Variants in SDK1 observed in about 807,000 individuals in gnomAD.
SDK1 encodes the protein protein sidekick-1.
Under a neutral mutation model 245.5 loss-of-function variants are expected in SDK1, and 157 were observed. The ratio of observed to expected loss-of-function variants is 0.64; its 90% CI spans 0.56 to 0.73. SDK1 has a LOEUF of 0.73. SDK1 is among the 30% of genes least tolerant of loss of function. The probability of loss-of-function intolerance (pLI) is 0.00; values close to 1 mark genes in which losing one functional copy is unlikely to be tolerated. For synonymous variants in SDK1, 1,647 were observed against 1,278.5 expected, an observed-to-expected ratio of 1.29 and a Z score of -6.15; for missense variants, 3,583 against 3,002.3, an observed-to-expected ratio of 1.19 and a Z score of -4.52.
chr7:3,444,308 C>G (rs144046469), intron 1 of SDK1, among the ~76,000 whole-genome samples: 274 of 152,286 alleles, frequency 1.8e-3, no homozygotes, highest in Non-Finnish European at 3.5e-3. Flanking sequence ...ACTTGGATGT[C>G]TACCAGACAT....
chr7:3,738,962 T>C (rs1012753603), intron 4 of SDK1, among the ~76,000 whole-genome samples: 3 of 146,624 alleles, frequency 2.0e-5, no homozygotes, highest in African/African-American at 8.1e-5. Flanking sequence ...ATTATTTTTG[T>C]TTTTTTGTTT....
At chr7:3,938,445 A>C (rs1340055949) in intron 5 of SDK1, among the ~76,000 whole-genome samples, 1 of 152,036 alleles carries the variant, frequency 6.6e-6, no homozygotes, top group Non-Finnish European at 1.5e-5. Flanking sequence ...GATCGTGACT[A>C]ACCTGGCGAA....
chr7:3,916,354 A>C (rs1433271380), intron 5 of SDK1, among the ~76,000 whole-genome samples: 7 of 152,228 alleles, frequency 4.6e-5, no homozygotes, highest in African/African-American at 1.7e-4. Context: ...TTGGGAACAA[A>C]AGGAAGGCAG....
intron 4 of SDK1, among the ~76,000 whole-genome samples, chr7:3,755,097 C>A (rs892261143): frequency 6.6e-6 from 1 of 152,190 alleles, no homozygotes; most frequent in African/African-American, 2.4e-5. Flanking sequence ...ATCCTTTGCT[C>A]TTGGCAGAGA....
In SDK1 at chr7:3,876,929, C is replaced by T. The variant is rs371920918; in HGVS notation, c.847+55346C>T. On this transcript the variant is annotated intron_variant, in intron 5 of 44. Coordinates refer to ENST00000404826, the MANE Select transcript of SDK1 (RefSeq NM_152744.4). ...TTTTAATAGGGATTTTCTTTTTAAACGAATTCTACTTTGTTCTTTTCTTAA... is the reference window on the plus strand; with the variant it reads ...TTTTAATAGGGATTTTCTTTTTAAATGAATTCTACTTTGTTCTTTTCTTAA... Among the ~76,000 whole-genome samples, 124 of 152,312 alleles carry T rather than the reference C, an allele frequency of 8.1e-4. 1 individual carries two copies. Among genetic ancestry groups the T allele is most frequent in the African/African-American group, 2.4e-3 (100 of 41,568 alleles).
intron 1 of SDK1, among the ~76,000 whole-genome samples, chr7:3,607,443 A>G (rs1400958263): frequency 6.6e-6 from 1 of 152,244 alleles, no homozygotes; most frequent in Non-Finnish European, 1.5e-5. Context: ...TCCCTAAACT[A>G]GAAGATAAGC....
rs1787381796 is a variant in SDK1, at chr7:4,026,814, A to T, written c.2602+9462A>T. 6.6e-6 allele frequency among the ~76,000 whole-genome samples: 1 copy of T among 152,200 alleles called. No individual in the cohort carries two copies. Among genetic ancestry groups the T allele is most frequent in the South Asian group, 2.1e-4 (1 of 4,814 alleles). ...ATAACAATCTGGAATTAACGATAAC[A>T]CCCGGCACACAAACGGCAATATGTA... On this transcript the variant is annotated intron_variant, in intron 17 of 44. Transcript: ENST00000404826. This position sits in a 1 kb window ranked among gnomAD's most constrained non-coding sequence, Gnocchi z 4.1.
intron 1 of SDK1, among the ~76,000 whole-genome samples, chr7:3,357,053 GAAAA>G (rs35467524): frequency 4.7e-3 from 383 of 81,270 alleles, no homozygotes; most frequent in Non-Finnish European, 6.0e-3. Flanking sequence ...AGACTCTCTC[GAAAA>G]AAAAAAAAAA....
rs544301683 is a variant in SDK1, at chr7:3,342,565, G to A, written c.298+40681G>A. 3.9e-5 allele frequency among the ~76,000 whole-genome samples: 6 copies of A among 151,948 alleles called. No homozygotes were observed. In the South Asian group the frequency reaches 8.3e-4, roughly 21 times the overall value. Reference sequence around the variant, plus strand: ...ATCGCATCGTTGCACTCCAGCCTAGGCAACAAGAGCGAAACTCCATCTCAA... The same window carrying A: ...ATCGCATCGTTGCACTCCAGCCTAGACAACAAGAGCGAAACTCCATCTCAA... On this transcript the variant is annotated intron_variant, in intron 1 of 44. Coordinates refer to ENST00000404826, the MANE Select transcript of SDK1 (RefSeq NM_152744.4).
At chr7:4,221,098 C>T in intron 39 of SDK1, 141 bp from the exon 40 acceptor site, 1 of 975,890 alleles carries the variant, frequency 1.0e-6, no homozygotes, top group Non-Finnish European at 1.5e-6. Flanking sequence ...GATGAAAAAC[C>T]CTGGGTGCGT....
intron 4 of SDK1, among the ~76,000 whole-genome samples, chr7:3,784,740 G>A (rs898504494): frequency 6.6e-6 from 1 of 152,210 alleles, no homozygotes; most frequent in African/African-American, 2.4e-5. Flanking sequence ...GAAGGAAAGG[G>A]AACCCTGTTG....
Position 4,129,912 on chromosome 7 carries a change from T to G in SDK1, c.3944T>G (p.Leu1315Arg), listed in dbSNP as rs753194535. 3.1e-6 allele frequency: 5 copies of G among 1,613,594 alleles called. No individual in the cohort carries two copies. In the East Asian group the frequency reaches 1.1e-4, roughly 36 times the overall value. ...QNGLILGYKILFRAKDLDPEP... is the reference protein window; with the variant it reads ...QNGLILGYKIRFRAKDLDPEP... ...CGTGCTGTGTCGATACCACAGATCC[T>G]GTTCCGGGCCAAAGACCTGGATCCC... The change falls in exon 27 of 45, where the codon CTG becomes CGG. Residue 1315 changes from leucine to arginine, a missense_variant. Coordinates refer to ENST00000404826, the MANE Select transcript of SDK1 (RefSeq NM_152744.4).
At chr7:3,763,559 C>CAT (rs1012308074) in intron 4 of SDK1, among the ~76,000 whole-genome samples, 2 of 152,158 alleles carry the variant, frequency 1.3e-5, no homozygotes, top group Non-Finnish European at 2.9e-5. Flanking sequence ...CTTCACCATG[C>CAT]ATATCATTAG....
chr7:3,711,963 A>G lies in SDK1; in HGVS notation c.713+69858A>G, dbSNP rs1274003036. The stretch of plus-strand genomic sequence containing the variant: ...TAAAGCCCAGTTTCCACATTAGTGA[A>G]CAAGATTAATGATGGCATCTACACA... On this transcript the variant is annotated intron_variant, in intron 4 of 44. Coordinates refer to ENST00000404826, the MANE Select transcript of SDK1 (RefSeq NM_152744.4). 2.6e-5 allele frequency among the ~76,000 whole-genome samples: 4 copies of G among 152,140 alleles called. No homozygotes were observed. The East Asian group carries it at 7.7e-4, about 29-fold the overall frequency.
At chr7:3,462,732 C>T (rs570330324) in intron 1 of SDK1, among the ~76,000 whole-genome samples, 1 of 152,214 alleles carries the variant, frequency 6.6e-6, no homozygotes, top group South Asian at 2.1e-4. Flanking sequence ...TCTGTGATCT[C>T]TCCCCTCCTC....
At chr7:3,941,549 C>G (rs1338851076) in intron 5 of SDK1, among the ~76,000 whole-genome samples, 1 of 152,126 alleles carries the variant, frequency 6.6e-6, no homozygotes, top group Non-Finnish European at 1.5e-5. Flanking sequence ...CCTGAAATGC[C>G]TTTCCTTCCA....
intron 22 of SDK1, among the ~76,000 whole-genome samples, chr7:4,086,126 C>T (rs1429350037): frequency 3.3e-5 from 5 of 152,092 alleles, no homozygotes; most frequent in Admixed American, 3.3e-4. Flanking sequence ...GCATATTGCG[C>T]CTTGCTGTCT....
At chr7:4,156,374 G>A (rs1425589644) in intron 30 of SDK1, among the ~76,000 whole-genome samples, 1 of 152,238 alleles carries the variant, frequency 6.6e-6, no homozygotes, top group Non-Finnish European at 1.5e-5. Flanking sequence ...GAACTCTGGA[G>A]CAAAGGTCAT....
At chr7:3,543,114 C>G (rs1779103637) in intron 1 of SDK1, among the ~76,000 whole-genome samples, 2 of 152,330 alleles carry the variant, frequency 1.3e-5, no homozygotes, top group South Asian at 2.1e-4. Context: ...ACGTGTTGAC[C>G]TATGTCTCCA....
Sources: gnomAD v4.1 joint callset for allele counts (sites outside exome capture counted in the v4.1 genomes callset) on GRCh38, gnomAD v4.1.1 for gene constraint, Gnocchi (gnomAD v3.1) non-coding constraint, MANE v1.5 for transcripts, NCBI Gene and HGNC (gene_info 2026-07-23, HGNC 2026-07-21) for gene names.